Variants in NYAP2 observed in about 807,000 individuals in gnomAD.
The protein encoded by NYAP2 is neuronal tyrosine-phosphorylated phosphoinositide-3-kinase adapter 2.
NYAP2 carries 23 observed loss-of-function variants against 50.4 expected under a neutral mutation model. That is an observed-to-expected ratio of 0.46 (90% CI 0.33 to 0.65). The LOEUF (loss-of-function observed/expected upper bound fraction) is 0.65, where lower values mean the gene tolerates loss of function less well. Among genes scored for constraint, NYAP2 ranks in the 30% least tolerant of loss-of-function variants. The pLI is 0.02. For synonymous variants in NYAP2, 394 were observed against 365.2 expected, an observed-to-expected ratio of 1.08 and a Z score of -0.90; for missense variants, 885 against 861.0, an observed-to-expected ratio of 1.03 and a Z score of -0.35.
chr2:225,600,928 T>C lies in NYAP2; in HGVS notation c.1618+17893T>C, dbSNP rs115316632. 5.5e-3 allele frequency among the ~76,000 whole-genome samples: 838 copies of C among 152,314 alleles called. 9 individuals carry two copies. Among genetic ancestry groups the C allele is most frequent in the African/African-American group, 0.018 (761 of 41,566 alleles). On this transcript the variant is annotated intron_variant, in intron 5 of 6. Transcript: ENST00000636099. ...GGAATAATATTCTGTTTTAGGGATATACCACATTGCATTTATTCATACATC... is the reference window on the plus strand; with the variant it reads ...GGAATAATATTCTGTTTTAGGGATACACCACATTGCATTTATTCATACATC...
At chr2:225,666,081 G>A in the NYAP2 span, among the ~76,000 whole-genome samples, 1 of 151,964 alleles carries the variant, frequency 6.6e-6, no homozygotes, top group African/African-American at 2.4e-5. Flanking sequence ...CTGGGGTCTT[G>A]GCAAAAGGGT....
intron 4 of NYAP2, among the ~76,000 whole-genome samples, chr2:225,580,455 C>G (rs1692251958): frequency 2.0e-5 from 3 of 152,246 alleles, no homozygotes; most frequent in Middle Eastern, 6.8e-3. Context: ...GCTACAGCCT[C>G]CCCCTGGAAA....
intron 4 of NYAP2, among the ~76,000 whole-genome samples, chr2:225,540,907 G>C (rs1377375446): frequency 6.6e-6 from 1 of 152,122 alleles, no homozygotes; most frequent in African/African-American, 2.4e-5. Flanking sequence ...CCCACCAACT[G>C]TCTATGAGGG....
At chr2:225,636,067 A>G (rs1387209670) in intron 6 of NYAP2, among the ~76,000 whole-genome samples, 1 of 152,244 alleles carries the variant, frequency 6.6e-6, no homozygotes, top group Non-Finnish European at 1.5e-5. Flanking sequence ...GGACAGGAAT[A>G]TATATAATGT....
intron 3 of NYAP2, among the ~76,000 whole-genome samples, chr2:225,469,609 A>C (rs1316439458): frequency 1.3e-5 from 2 of 152,240 alleles, no homozygotes; most frequent in African/African-American, 4.8e-5. Context: ...CCAAATGTCC[A>C]TCAATGATAG....
chr2:225,440,483 T>A (rs929333061), intron 3 of NYAP2, among the ~76,000 whole-genome samples: 2 of 152,342 alleles, frequency 1.3e-5, no homozygotes, highest in Admixed American at 6.5e-5. Flanking sequence ...AGAAGCATTG[T>A]GGTTCTTTAA....
chr2:225,421,903 T>G (rs555514101), intron 3 of NYAP2, among the ~76,000 whole-genome samples: 1 of 152,348 alleles, frequency 6.6e-6, no homozygotes, highest in East Asian at 1.9e-4. Flanking sequence ...ACCAATACAT[T>G]CATTTCTAGA....
intron 4 of NYAP2, among the ~76,000 whole-genome samples, chr2:225,539,519 C>T (rs1691420138): frequency 2.6e-5 from 4 of 152,242 alleles, no homozygotes; most frequent in African/African-American, 9.6e-5. Context: ...TGATTCCTGA[C>T]ATTTTAATGA....
intron 5 of NYAP2, among the ~76,000 whole-genome samples, chr2:225,599,939 T>G (rs1692667272): frequency 6.6e-6 from 1 of 152,194 alleles, no homozygotes. Flanking sequence ...GCAGTCATAC[T>G]GTTGTGCAAA....
At chr2:225,585,535 G>C (rs1272096308) in intron 5 of NYAP2, among the ~76,000 whole-genome samples, 1 of 152,272 alleles carries the variant, frequency 6.6e-6, no homozygotes, top group African/African-American at 2.4e-5. Flanking sequence ...AGTGGTCAAG[G>C]CTCTTTATAG....
chr2:225,546,635 A>G (rs531474713), intron 4 of NYAP2, among the ~76,000 whole-genome samples: 1 of 152,178 alleles, frequency 6.6e-6, no homozygotes, highest in Admixed American at 6.5e-5. Context: ...TCCAAGAACT[A>G]AGGCCCAGAA....
intron 5 of NYAP2, among the ~76,000 whole-genome samples, chr2:225,611,046 A>C (rs1692874632): frequency 6.6e-6 from 1 of 152,210 alleles, no homozygotes; most frequent in South Asian, 2.1e-4. Context: ...GGTTTCAGCA[A>C]GCTGGTTGAG....
chr2:225,406,297 AC>A (rs1266914140), intron 2 of NYAP2, among the ~76,000 whole-genome samples: 1 of 151,952 alleles, frequency 6.6e-6, no homozygotes, highest in East Asian at 1.9e-4. Flanking sequence ...GGACAAGTAA[AC>A]AAAGAGGTGT....
intron 4 of NYAP2, among the ~76,000 whole-genome samples, chr2:225,547,310 C>T (rs1289570505): frequency 6.6e-6 from 1 of 152,212 alleles, no homozygotes; most frequent in Non-Finnish European, 1.5e-5. Flanking sequence ...CCCTTGGACA[C>T]CCCGGCTTGT....
In NYAP2 at chr2:225,446,240, C is replaced by A. The variant is rs1171206437; in HGVS notation, c.221+37139C>A. Among the ~76,000 whole-genome samples, 447 of 108,322 alleles carry A rather than the reference C, an allele frequency of 4.1e-3. 5 individuals are homozygous for A. The highest frequency in any genetic ancestry group is 0.015 in the African/African-American group (413 of 27,468). The allele number at this position is 108,322 out of a possible 152,430, so 71.1% of individuals were successfully genotyped here. ...TGTCTCTCTCTCTCTCTCTCTCTCT[C>A]TCTCTCTATATATATATATATATAT... On this transcript the variant is annotated intron_variant, in intron 3 of 6. Coordinates refer to ENST00000636099, the Ensembl canonical transcript of NYAP2.
chr2:225,548,830 T>TA (rs1204509725), intron 4 of NYAP2, among the ~76,000 whole-genome samples: 4 of 152,046 alleles, frequency 2.6e-5, no homozygotes, highest in East Asian at 1.9e-4. Flanking sequence ...AATAATCTGA[T>TA]AAAAAAGGCA....
At chr2:225,437,382 A>G (rs1689396789) in intron 3 of NYAP2, among the ~76,000 whole-genome samples, 1 of 152,224 alleles carries the variant, frequency 6.6e-6, no homozygotes. Context: ...CATATACTGA[A>G]GGAGGTTTGT....
At chr2:225,571,830 G>C (rs1476425277) in intron 4 of NYAP2, among the ~76,000 whole-genome samples, 1 of 152,156 alleles carries the variant, frequency 6.6e-6, no homozygotes, top group African/African-American at 2.4e-5. Flanking sequence ...TTTCTCCATA[G>C]AAAATGGGTT....
rs565329041 is a variant in NYAP2 at position 225,582,652 on chromosome 2, C to T, written c.1235C>T (p.Ser412Leu). ...GCCTCTGCCACCCCTGCGCTCTCCT[C>T]GTCGCCCCCACCCCCGTCTACGCTG... Residue 412 changes from serine to leucine, a missense_variant, in exon 5 of 7, where the codon TCG becomes TTG. By Grantham distance (145) the Ser-to-Leu change is moderately radical. Coordinates refer to ENST00000636099, the Ensembl canonical transcript of NYAP2. The surrounding 1 kb of genome is among the most constrained non-coding windows in gnomAD (Gnocchi z 7.0). 42 of 1,595,916 alleles carry T rather than the reference C, an allele frequency of 2.6e-5. No homozygotes were observed. The highest frequency in any genetic ancestry group is 2.4e-4 in the South Asian group (21 of 88,070).
Sources: gnomAD v4.1 joint callset for allele counts (sites outside exome capture counted in the v4.1 genomes callset) on GRCh38, gnomAD v4.1.1 for gene constraint, Gnocchi (gnomAD v3.1) non-coding constraint, MANE v1.5 for transcripts, NCBI Gene and HGNC (gene_info 2026-07-23, HGNC 2026-07-21) for gene names.